SMYD4: variants seen among roughly 807,000 people sequenced by gnomAD.
SMYD4 encodes protein-lysine N-methyltransferase SMYD4.
In SMYD4, 68 loss-of-function variants were observed where a neutral mutation model predicts 72.8. The ratio of observed to expected loss-of-function variants is 0.93; its 90% CI spans 0.77 to 1.14. The LOEUF (loss-of-function observed/expected upper bound fraction) is 1.14, where lower values mean the gene tolerates loss of function less well. Among genes scored for constraint, SMYD4 ranks in the 50% most tolerant of loss-of-function variants. SMYD4 has a pLI of 0.00. For synonymous variants in SMYD4, 407 were observed against 388.6 expected (o/e 1.05, Z -0.56); for missense variants, 984 against 1,003.7 (o/e 0.98, Z 0.27).
chr17:1,824,572 C>T (rs1216829202), intron 2 of SMYD4, among the ~76,000 whole-genome samples: 1 of 151,886 alleles, frequency 6.6e-6, no homozygotes, highest in Non-Finnish European at 1.5e-5. Flanking sequence ...CCATGCTGTT[C>T]TCGTGATAGT....
rs61762673 is a variant in SMYD4, at chr17:1,783,091, C to T, written c.2205G>A (p.Pro735=). The change falls in exon 10 of 11, where the codon CCG becomes CCA. Residue 735 remains proline, a synonymous_variant. Transcript: ENST00000305513. The part of the protein sequence containing the change: ...SLYVVEVRHG[P]SSVEMGHELF... ...GCTCATGGCCCATTTCAACACTGGA[C>T]GGCCCGTGGCGAACCTCCACCACGT... is the stretch of plus-strand genomic sequence containing the variant. The T allele has an allele frequency of 2.6e-4, 424 of 1,614,078 alleles. No individual in the cohort carries two copies. The highest frequency in any genetic ancestry group is 3.3e-4 in the Non-Finnish European group (387 of 1,180,058).
At chr17:1,822,300 T>G (rs950654011) in intron 2 of SMYD4, among the ~76,000 whole-genome samples, 1 of 152,088 alleles carries the variant, frequency 6.6e-6, no homozygotes, top group Non-Finnish European at 1.5e-5. Context: ...CTCTGGGGAA[T>G]AAGAATCAGG....
intron 2 of SMYD4, among the ~76,000 whole-genome samples, chr17:1,813,795 AAATT>A (rs1347165592): frequency 6.7e-6 from 1 of 148,266 alleles, no homozygotes; most frequent in African/African-American, 2.4e-5. Flanking sequence ...ATGCTCTACA[AAATT>A]AATAAAGCTG....
At chr17:1,802,028 C>A (rs570807672) in intron 4 of SMYD4, among the ~76,000 whole-genome samples, 77 of 152,034 alleles carry the variant, frequency 5.1e-4, no homozygotes, top group Non-Finnish European at 1.0e-3. Flanking sequence ...TTACTAGCCA[C>A]ATGACCTTGT....
chr17:1,815,706 G>GT (rs112578899), intron 2 of SMYD4, among the ~76,000 whole-genome samples: 96,478 of 145,306 alleles, frequency 0.66, 33,206 homozygotes, highest in Non-Finnish European at 0.79. Context: ...GCAATCTAAT[G>GT]TTTTTTTTTT....
rs8067660 is a variant in SMYD4, at chr17:1,827,974, T to C, written c.21A>G (p.Glu7=). ...ACTTTTGAAGCAGATATGATTTCCA[T>C]TCATCCACAGGCAGATCCATGCTGC... MDLPVD[E]WKSYLLQKWA... The change falls in exon 2 of 11, where the codon GAA becomes GAG. Residue 7 remains glutamate, a synonymous_variant. Transcript: ENST00000305513. 0.75 allele frequency: 1,205,947 copies of C among 1,611,688 alleles called. 460,883 individuals carry two copies. Among genetic ancestry groups the C allele is most frequent in the Non-Finnish European group, 0.8 (940,906 of 1,178,244 alleles).
intron 2 of SMYD4, among the ~76,000 whole-genome samples, chr17:1,822,479 AGCC>A (rs1254390562): frequency 6.6e-6 from 1 of 152,222 alleles, no homozygotes; most frequent in Non-Finnish European, 1.5e-5. Flanking sequence ...TTTTTCTACT[AGCC>A]TTTAAGAAGC....
At chr17:1,781,466 A>C (rs1202313227) in intron 10 of SMYD4, 27 bp from the exon 11 acceptor site, 1 of 1,607,618 alleles carries the variant, frequency 6.2e-7, no homozygotes, top group Non-Finnish European at 8.5e-7. Context: ...AAGAGGAGTT[A>C]GTTCACTGAT....
chr17:1,801,808 C>G lies in SMYD4; in HGVS notation c.370-784G>C, dbSNP rs563003831. On this transcript the variant is annotated intron_variant, in intron 4 of 10. Coordinates refer to ENST00000305513, the MANE Select transcript of SMYD4 (RefSeq NM_052928.3). ...TGGCTAACATGGTGAAACCCCATCT[C>G]TACTAAAAACACAAAAAATTAGCTG... Among the ~76,000 whole-genome samples the G allele has an allele frequency of 1.2e-4, 18 of 151,566 alleles. No homozygotes were observed. In the East Asian group the frequency reaches 3.0e-3, roughly 25 times the overall value.
At chr17:1,793,624 G>A (rs1263716947) in intron 5 of SMYD4, among the ~76,000 whole-genome samples, 2 of 151,820 alleles carry the variant, frequency 1.3e-5, no homozygotes, top group Admixed American at 6.6e-5. Context: ...TTCAAGGAGA[G>A]GGGAAAAAAA....
chr17:1,793,074 C>T (rs892958643), intron 5 of SMYD4, among the ~76,000 whole-genome samples: 2 of 152,076 alleles, frequency 1.3e-5, no homozygotes, highest in African/African-American at 2.4e-5. Context: ...CGCACCACCA[C>T]ACTCAGCTAA....
At chr17:1,822,456 T>C (rs753642319) in intron 2 of SMYD4, among the ~76,000 whole-genome samples, 16 of 152,172 alleles carry the variant, frequency 1.1e-4, no homozygotes, top group Non-Finnish European at 1.9e-4. Context: ...CTGGTCTACA[T>C]AGTTTTACAG....
rs3809875 is a variant in SMYD4, at chr17:1,800,249, G to T, written c.1145C>A (p.Pro382His). 11 of 1,613,856 alleles carry T rather than the reference G, an allele frequency of 6.8e-6. No homozygotes were observed. Among genetic ancestry groups the T allele is most frequent in the East Asian group, 4.5e-5 (2 of 44,894 alleles). The stretch of plus-strand genomic sequence containing the variant: ...TGTCTTGACCTGATTGTTGCTTTCA[G>T]GTAAACAGATGTCCTTGTTACTAAT... Reference protein sequence around the residue: ...DKISNKDICLPESNNQVKTLN... With the variant: ...DKISNKDICLHESNNQVKTLN... The change falls in exon 5 of 11, where the codon CCT (proline) becomes CAT (histidine). Residue 382 changes from proline (P) to histidine (H), a missense_variant. Transcript: ENST00000305513.
At chr17:1,807,314 T>A (rs1042581904) in intron 3 of SMYD4, among the ~76,000 whole-genome samples, 25 of 150,008 alleles carry the variant, frequency 1.7e-4, no homozygotes, top group Non-Finnish European at 3.1e-4. Flanking sequence ...GTAGCCATCA[T>A]AAAGAATGAG....
intron 3 of SMYD4, among the ~76,000 whole-genome samples, chr17:1,806,447 A>C (rs1282669875): frequency 6.6e-6 from 1 of 152,240 alleles, no homozygotes; most frequent in East Asian, 1.9e-4. Context: ...TACTTTGTCA[A>C]GATTTCCTAC....
Position 1,786,973 on chromosome 17 carries a change from C to G in SMYD4, c.1721G>C (p.Gly574Ala). ...RKGQEILHCY[G>A]PHKSRMGVAE... The stretch of plus-strand genomic sequence containing the variant: ...AACCCCCATCCGGCTCTTGTGAGGC[C>G]CTGGAGGGAGATCACCGTCAGCCAA... The change falls in exon 7 of 11, where the codon GGG (glycine) becomes GCG (alanine). Residue 574 changes from glycine to alanine, a missense_variant and splice_region_variant. By Grantham distance (60) the Gly-to-Ala change is moderately conservative. Transcript: ENST00000305513. 6.2e-7 allele frequency: 1 copy of G among 1,612,558 alleles called. No individual in the cohort carries two copies. Among genetic ancestry groups the G allele is most frequent in the Non-Finnish European group, 8.5e-7 (1 of 1,179,752 alleles).
intron 3 of SMYD4, among the ~76,000 whole-genome samples, chr17:1,807,958 C>T (rs1300289308): frequency 1.3e-5 from 2 of 152,008 alleles, no homozygotes; most frequent in Non-Finnish European, 2.9e-5. Flanking sequence ...ACAAATAAAT[C>T]GATATAATAA....
intron 3 of SMYD4, among the ~76,000 whole-genome samples, chr17:1,805,299 T>G (rs1484159786): frequency 6.6e-6 from 1 of 151,988 alleles, no homozygotes; most frequent in Admixed American, 6.6e-5. Flanking sequence ...GCGCCTGTAA[T>G]CCCAGCTACT....
intron 3 of SMYD4, among the ~76,000 whole-genome samples, chr17:1,807,359 C>T (rs1910090178): frequency 6.7e-6 from 1 of 149,386 alleles, no homozygotes; most frequent in Admixed American, 6.6e-5. Flanking sequence ...GAGTTTCGCT[C>T]TTTCGCCCAG....
Sources: allele counts gnomAD v4.1 joint callset (sites outside exome capture counted in the v4.1 genomes callset), GRCh38; gene constraint gnomAD v4.1.1; transcripts MANE v1.5; gene names NCBI Gene and HGNC (gene_info 2026-07-23, HGNC 2026-07-21).